Variants in CNTNAP5 observed in about 807,000 individuals in gnomAD.
CNTNAP5 encodes the protein contactin-associated protein-like 5.
In CNTNAP5, 72 loss-of-function variants were observed where a neutral mutation model predicts 150.2. The observed-to-expected ratio is 0.48, with a 90% CI of 0.40 to 0.58. The LOEUF (loss-of-function observed/expected upper bound fraction) is 0.58, where lower values mean the gene tolerates loss of function less well. Among genes scored for constraint, CNTNAP5 ranks in the 20% least tolerant of loss-of-function variants. The pLI, the probability that CNTNAP5 is intolerant of heterozygous loss-of-function variation, is 0.00. For missense variants in CNTNAP5, 1,636 were observed against 1,626.2 expected (o/e 1.01, Z -0.10); for synonymous variants, 672 against 619.8 (o/e 1.08, Z -1.25).
chr2:124,230,187 A>T (rs1686580055), intron 2 of CNTNAP5, among the ~76,000 whole-genome samples: 1 of 152,144 alleles, frequency 6.6e-6, no homozygotes. Context: ...CTTGGGCAGT[A>T]CTTGTTACAA....
Position 124,650,678 on chromosome 2 carries a change from C to T in CNTNAP5, c.2077+2720C>T, listed in dbSNP as rs915642940. Reference sequence around the variant, plus strand: ...TGTGGTCTATGCTGGGAAGAGATTCCCGACCCTGTGATACTCTTTTACAGC... The same window carrying T: ...TGTGGTCTATGCTGGGAAGAGATTCTCGACCCTGTGATACTCTTTTACAGC... On this transcript the variant is annotated intron_variant, in intron 13 of 23. Coordinates refer to ENST00000682447, the MANE Select transcript of CNTNAP5 (RefSeq NM_001367498.1). Among the ~76,000 whole-genome samples, 9 of 152,218 alleles carry T rather than the reference C, an allele frequency of 5.9e-5. No individual in the cohort carries two copies. In the South Asian group the frequency reaches 1.9e-3, roughly 32 times the overall value.
intron 3 of CNTNAP5, among the ~76,000 whole-genome samples, chr2:124,330,105 A>G (rs1222852322): frequency 1.3e-5 from 2 of 152,118 alleles, no homozygotes; most frequent in Non-Finnish European, 2.9e-5. Flanking sequence ...CCTGTCAGGA[A>G]GTGACATTTT....
At chr2:124,655,945 G>GAGAGAGAGAGAGAGAGAGAAAGAA (rs1553427800) in intron 13 of CNTNAP5, among the ~76,000 whole-genome samples, 2 of 55,490 alleles carry the variant, frequency 3.6e-5, no homozygotes, top group African/African-American at 1.5e-4. Context: ...GAGAGAGAGA[G>GAGAGAGAGAGAGAGAGAGAAAGAA]AGAAAGAAAG....
intron 3 of CNTNAP5, among the ~76,000 whole-genome samples, chr2:124,282,653 A>G (rs2104624771): frequency 6.6e-6 from 1 of 151,832 alleles, no homozygotes; most frequent in South Asian, 2.1e-4. Flanking sequence ...TTTCCAAGGC[A>G]TACAAAGATT....
rs1256037013 is a variant in CNTNAP5 at position 124,915,480 on chromosome 2, A to G, written c.*1192A>G. On this transcript the variant is annotated 3_prime_UTR_variant, in exon 24 of 24. Transcript: ENST00000682447. Reference sequence around the variant, plus strand: ...ATTTGCAAGTTTCACATTTTTTAACATCAAGCTATTCTCCAAGAAGTTTAG... The same window carrying G: ...ATTTGCAAGTTTCACATTTTTTAACGTCAAGCTATTCTCCAAGAAGTTTAG... Among the ~76,000 whole-genome samples, 1 of 152,078 alleles carries G rather than the reference A, an allele frequency of 6.6e-6. No individual in the cohort carries two copies. The highest frequency in any genetic ancestry group is 6.6e-5 in the Admixed American group (1 of 15,250).
chr2:124,864,610 A>G (rs1489141101), intron 19 of CNTNAP5, among the ~76,000 whole-genome samples: 1 of 150,706 alleles, frequency 6.6e-6, no homozygotes, highest in Non-Finnish European at 1.5e-5. Context: ...GAATTGATAC[A>G]CTTCTATTTT....
At chr2:124,221,237 C>T (rs867165422) in intron 1 of CNTNAP5, among the ~76,000 whole-genome samples, 1 of 152,166 alleles carries the variant, frequency 6.6e-6, no homozygotes, top group Non-Finnish European at 1.5e-5. Context: ...AGTTATCCTA[C>T]TCCTCTAGAC....
intron 1 of CNTNAP5, among the ~76,000 whole-genome samples, chr2:124,196,813 AAC>A (rs1214188601): frequency 7.2e-5 from 11 of 152,212 alleles, no homozygotes; most frequent in African/African-American, 2.4e-4. Flanking sequence ...AAAGTCCCGT[AAC>A]AGTCTCTCAT....
At chr2:124,463,463 T>C (rs1558913935) in intron 6 of CNTNAP5, among the ~76,000 whole-genome samples, 3 of 152,036 alleles carry the variant, frequency 2.0e-5, no homozygotes, top group Admixed American at 1.3e-4. Context: ...CAAAACCTGA[T>C]GGTAGTTTGA....
chr2:124,218,297 C>T (rs1209474213), intron 1 of CNTNAP5, among the ~76,000 whole-genome samples: 9 of 152,060 alleles, frequency 5.9e-5, no homozygotes, highest in Non-Finnish European at 1.2e-4. Flanking sequence ...CTTCCATTCC[C>T]GTTTACTAGG....
intron 8 of CNTNAP5, among the ~76,000 whole-genome samples, chr2:124,508,362 A>T (rs1401271457): frequency 6.6e-6 from 1 of 152,236 alleles, no homozygotes; most frequent in East Asian, 1.9e-4. Context: ...TATAAAAATT[A>T]AGCCTCAATC....
chr2:124,721,526 A>G (rs11123061), intron 13 of CNTNAP5, among the ~76,000 whole-genome samples: 1 of 143,858 alleles, frequency 7.0e-6, no homozygotes. Flanking sequence ...AATAAATATT[A>G]AAAAAACAAA....
At chr2:124,359,468 G>A (rs1454811576) in intron 3 of CNTNAP5, among the ~76,000 whole-genome samples, 14 of 151,682 alleles carry the variant, frequency 9.2e-5, no homozygotes, top group Non-Finnish European at 1.8e-4. Context: ...CTCTACACAC[G>A]GCTTTGAATG....
At chr2:124,330,622 A>C (rs778784856) in intron 3 of CNTNAP5, among the ~76,000 whole-genome samples, 10 of 152,130 alleles carry the variant, frequency 6.6e-5, no homozygotes, top group African/African-American at 9.7e-5. Flanking sequence ...TTCCACCATG[A>C]TTGTAAGTTT....
At chr2:124,850,408 T>C (rs752615824) in intron 19 of CNTNAP5, among the ~76,000 whole-genome samples, 7 of 151,868 alleles carry the variant, frequency 4.6e-5, no homozygotes, top group Non-Finnish European at 1.0e-4. Context: ...AAGAGGGCCA[T>C]GTGACATGAG....
intron 7 of CNTNAP5, among the ~76,000 whole-genome samples, chr2:124,480,104 A>G (rs746408926): frequency 3.9e-5 from 6 of 152,218 alleles, no homozygotes; most frequent in Non-Finnish European, 7.3e-5. Context: ...ATAAAAGTTG[A>G]TTGGAGATAG....
intron 3 of CNTNAP5, among the ~76,000 whole-genome samples, chr2:124,344,848 C>T (rs1689700126): frequency 6.6e-6 from 1 of 152,176 alleles, no homozygotes; most frequent in Admixed American, 6.5e-5. Context: ...TCATGTCTCA[C>T]ATGCTGGGCA....
chr2:124,206,992 G>C (rs191369626), intron 1 of CNTNAP5, among the ~76,000 whole-genome samples: 2 of 152,128 alleles, frequency 1.3e-5, no homozygotes, highest in African/African-American at 2.4e-5. Flanking sequence ...CATATATTCT[G>C]TTCAACTCTG....
At chr2:124,228,068 A>C (rs1468716985) in intron 2 of CNTNAP5, among the ~76,000 whole-genome samples, 1 of 152,084 alleles carries the variant, frequency 6.6e-6, no homozygotes, top group African/African-American at 2.4e-5. Flanking sequence ...GGTGTAATTC[A>C]GTCTGAGTCC....
Sources: allele counts gnomAD v4.1 joint callset (sites outside exome capture counted in the v4.1 genomes callset), GRCh38; gene constraint gnomAD v4.1.1; transcripts MANE v1.5; gene names NCBI Gene and HGNC (gene_info 2026-07-23, HGNC 2026-07-21).